The following MAP2 variants were observed in gnomAD, a reference collection of about 807,000 sequenced individuals.
MAP2 encodes microtubule-associated protein 2.
A neutral mutation model predicts 137.6 loss-of-function variants in MAP2; 14 were observed. That is an observed-to-expected ratio of 0.10 (90% CI 0.07 to 0.16). MAP2 has a LOEUF of 0.16. MAP2 is among the 10% of genes least tolerant of loss of function. MAP2 has a pLI of 1.00. For synonymous variants in MAP2, 786 were observed against 782.3 expected, an observed-to-expected ratio of 1.00 and a Z score of -0.08; for missense variants, 2,088 against 2,191.5, an observed-to-expected ratio of 0.95 and a Z score of 0.94.
intron 2 of MAP2, among the ~76,000 whole-genome samples, chr2:209,517,705 A>G (rs1371710353): frequency 6.6e-6 from 1 of 152,056 alleles, no homozygotes; most frequent in East Asian, 1.9e-4. Flanking sequence ...ACTAGGACAT[A>G]GAAATCCTAG....
chr2:209,468,317 C>CTTTTTTTTTTTTTTTT (rs11450792), intron 1 of MAP2, among the ~76,000 whole-genome samples: 1 of 88,532 alleles, frequency 1.1e-5, no homozygotes, highest in Non-Finnish European at 2.0e-5. Flanking sequence ...TTTAGTGTTT[C>CTTTTTTTTTTTTTTTT]TTTTTTTTTT....
At chr2:209,511,270 T>C (rs1205821930) in intron 2 of MAP2, among the ~76,000 whole-genome samples, 1 of 152,156 alleles carries the variant, frequency 6.6e-6, no homozygotes, top group East Asian at 1.9e-4. Flanking sequence ...CTTCATCCTA[T>C]ACACTAACCT....
At chr2:209,699,447 G>A (rs2061177396) in intron 10 of MAP2, among the ~76,000 whole-genome samples, 1 of 152,086 alleles carries the variant, frequency 6.6e-6, no homozygotes, top group Non-Finnish European at 1.5e-5. Context: ...AAACATAGAT[G>A]GTTTTCCAAA....
intron 3 of MAP2, among the ~76,000 whole-genome samples, chr2:209,593,725 TA>T (rs1466549512): frequency 7.4e-5 from 3 of 40,732 alleles, no homozygotes; most frequent in Non-Finnish European, 1.3e-4. Flanking sequence ...TATATATAAA[TA>T]TATAATATAA....
chr2:209,504,038 G>A (rs978611549), intron 1 of MAP2, among the ~76,000 whole-genome samples: 5 of 151,726 alleles, frequency 3.3e-5, no homozygotes, highest in Non-Finnish European at 5.9e-5. Context: ...GGAGGTTGCA[G>A]TGAGCTGAGA....
chr2:209,598,659 C>G (rs1279822869), intron 3 of MAP2, among the ~76,000 whole-genome samples: 1 of 147,790 alleles, frequency 6.8e-6, no homozygotes, highest in African/African-American at 2.5e-5. Context: ...CATGTGACCT[C>G]ATTGTTCAAT....
chr2:209,608,774 T>C (rs1385068579), intron 3 of MAP2, among the ~76,000 whole-genome samples: 2 of 152,170 alleles, frequency 1.3e-5, no homozygotes, highest in Non-Finnish European at 2.9e-5. Flanking sequence ...CCCTCTGTTA[T>C]ATGACCCCTA....
chr2:209,482,721 T>C (rs1410342962), intron 1 of MAP2, among the ~76,000 whole-genome samples: 1 of 152,184 alleles, frequency 6.6e-6, no homozygotes, highest in African/African-American at 2.4e-5. Context: ...CACTAACTGA[T>C]AGAAAAAAGT....
chr2:209,574,432 TACAC>T (rs57166815), intron 2 of MAP2, among the ~76,000 whole-genome samples: 221 of 148,050 alleles, frequency 1.5e-3, no homozygotes, highest in Non-Finnish European at 1.7e-3. Context: ...ATAGTATAGA[TACAC>T]ACACACACAC....
intron 5 of MAP2, among the ~76,000 whole-genome samples, chr2:209,659,636 T>C (rs922181880): frequency 6.6e-6 from 1 of 152,182 alleles, no homozygotes; most frequent in Admixed American, 6.5e-5. Context: ...GGAGGCAATT[T>C]TGAGATGTTT....
intron 1 of MAP2, among the ~76,000 whole-genome samples, chr2:209,481,120 G>A (rs1000656983): frequency 2.6e-5 from 4 of 152,202 alleles, no homozygotes; most frequent in Admixed American, 6.5e-5. Flanking sequence ...CTGAATTTCC[G>A]TGAGACTGAC....
chr2:209,695,851 T>C lies in MAP2; in HGVS notation c.3681T>C (p.Ser1227=). The C allele has an allele frequency of 2.5e-6, 4 of 1,614,130 alleles. No individual in the cohort carries two copies. Among genetic ancestry groups the C allele is most frequent in the Non-Finnish European group, 3.4e-6 (4 of 1,180,012 alleles). ...VAEPLHETIV[S]EPAEIQSEEE... ...AGCCATTGCATGAAACGATCGTATCTGAACCAGCAGAGATTCAGAGTGAGG... is the reference window on the plus strand; with the variant it reads ...AGCCATTGCATGAAACGATCGTATCCGAACCAGCAGAGATTCAGAGTGAGG... Residue 1227 remains serine, a synonymous_variant, in exon 8 of 16, where the codon TCT becomes TCC. Coordinates refer to ENST00000682079, the MANE Select transcript of MAP2 (RefSeq NM_001375505.1).
In MAP2 at chr2:209,634,900, A is replaced by G. The variant is rs529320359; in HGVS notation, c.-30+9771A>G. Among the ~76,000 whole-genome samples the G allele has an allele frequency of 1.4e-3, 217 of 152,258 alleles. 1 individual carries two copies. Among genetic ancestry groups the G allele is most frequent in the Middle Eastern group, 3.4e-3 (1 of 294 alleles). On this transcript the variant is annotated intron_variant, in intron 4 of 15. Coordinates refer to ENST00000682079, the MANE Select transcript of MAP2 (RefSeq NM_001375505.1). ...GAGAAAGCAAGCATTTTGCTTGGGCAACATAGCGAGACCTCATGTCATCTC... is the reference window on the plus strand; with the variant it reads ...GAGAAAGCAAGCATTTTGCTTGGGCGACATAGCGAGACCTCATGTCATCTC...
chr2:209,644,670 C>CAAAAAAAAA (rs68166330), intron 4 of MAP2, among the ~76,000 whole-genome samples: 1 of 68,582 alleles, frequency 1.5e-5, no homozygotes, highest in African/African-American at 4.1e-5. Context: ...GACCCTGTCT[C>CAAAAAAAAA]AAAAAAAAAA....
chr2:209,535,820 A>C (rs1035579053), intron 2 of MAP2, among the ~76,000 whole-genome samples: 5 of 152,188 alleles, frequency 3.3e-5, no homozygotes. Flanking sequence ...AATATAATAT[A>C]AAATTTTATT....
intron 1 of MAP2, among the ~76,000 whole-genome samples, chr2:209,479,534 T>C (rs1708224686): frequency 6.6e-6 from 1 of 152,068 alleles, no homozygotes; most frequent in African/African-American, 2.4e-5. Context: ...AATAACATGG[T>C]AGTTAGATTT....
At chr2:209,628,184 G>A (rs1391427824) in intron 4 of MAP2, among the ~76,000 whole-genome samples, 4 of 152,012 alleles carry the variant, frequency 2.6e-5, no homozygotes, top group Non-Finnish European at 4.4e-5. Context: ...GACCAACATG[G>A]TGAAACCCCC....
At chr2:209,497,340 A>G (rs1407491609) in intron 1 of MAP2, among the ~76,000 whole-genome samples, 1 of 152,210 alleles carries the variant, frequency 6.6e-6, no homozygotes, top group African/African-American at 2.4e-5. Flanking sequence ...GTGAGGATAT[A>G]GTGAGAATGT....
At chr2:209,429,099 G>A (rs1364044276) in intron 1 of MAP2, among the ~76,000 whole-genome samples, 3 of 151,614 alleles carry the variant, frequency 2.0e-5, no homozygotes, top group Non-Finnish European at 4.4e-5. Flanking sequence ...GACTACAGGC[G>A]CCCGCCACCG....
Sources: gnomAD v4.1 joint callset for allele counts (sites outside exome capture counted in the v4.1 genomes callset) on GRCh38, gnomAD v4.1.1 for gene constraint, MANE v1.5 for transcripts, NCBI Gene and HGNC (gene_info 2026-07-23, HGNC 2026-07-21) for gene names.